Variants in GMDS observed in about 807,000 individuals in gnomAD.
The protein encoded by GMDS is GDP-mannose 4,6 dehydratase.
A neutral mutation model predicts 49.9 loss-of-function variants in GMDS; 20 were observed. That is an observed-to-expected ratio of 0.40 (90% CI 0.28 to 0.58). The LOEUF (loss-of-function observed/expected upper bound fraction) is 0.58, where lower values mean the gene tolerates loss of function less well. GMDS is among the 20% of genes least tolerant of loss of function. The probability of loss-of-function intolerance (pLI) is 0.42; values close to 1 mark genes in which losing one functional copy is unlikely to be tolerated. For missense variants in GMDS, 362 were observed against 481.4 expected, an observed-to-expected ratio of 0.75 and a Z score of 2.32; for synonymous variants, 177 against 178.6, an observed-to-expected ratio of 0.99 and a Z score of 0.07.
In GMDS at chr6:1,795,759, A is replaced by C. The variant is rs114705758; in HGVS notation, c.772-53173T>G. Among the ~76,000 whole-genome samples, 1,400 of 152,366 alleles carry C rather than the reference A, an allele frequency of 9.2e-3. 19 individuals are homozygous for C. The highest frequency in any genetic ancestry group is 0.032 in the African/African-American group (1,345 of 41,586). On this transcript the variant is annotated intron_variant, in intron 7 of 10. Transcript: ENST00000380815. Reference sequence around the variant, plus strand: ...AATGTTCTTATTCTGAAAGCAGTTCATTCACATTAACAGTCATCCACATTT... The same window carrying C: ...AATGTTCTTATTCTGAAAGCAGTTCCTTCACATTAACAGTCATCCACATTT...
At chr6:1,963,181 C>CTTTT (rs75060505) in intron 4 of GMDS, among the ~76,000 whole-genome samples, 2 of 143,442 alleles carry the variant, frequency 1.4e-5, no homozygotes, top group African/African-American at 5.1e-5. Flanking sequence ...AGCCTACTTC[C>CTTTT]TTTTTTTTTT....
At chr6:1,668,896 T>C (rs956160105) in intron 9 of GMDS, among the ~76,000 whole-genome samples, 5 of 152,224 alleles carry the variant, frequency 3.3e-5, no homozygotes, top group Non-Finnish European at 7.3e-5. Context: ...ATCAGAGAAG[T>C]ACCAAGGTAT....
chr6:2,052,128 A>AAAAAAAAAAAAAAAC (rs1770447403), intron 4 of GMDS, among the ~76,000 whole-genome samples: 1 of 138,664 alleles, frequency 7.2e-6, no homozygotes, highest in Non-Finnish European at 1.5e-5. Context: ...AAAAAAAAAA[A>AAAAAAAAAAAAAAAC]AAGAAAAAAA....
intron 7 of GMDS, among the ~76,000 whole-genome samples, chr6:1,830,072 T>C (rs955420845): frequency 1.3e-5 from 2 of 152,230 alleles, no homozygotes; most frequent in Non-Finnish European, 2.9e-5. Context: ...GTGGCTTTTT[T>C]ATTTAAATTT....
chr6:1,992,328 T>A (rs1445949970), intron 4 of GMDS, among the ~76,000 whole-genome samples: 1 of 152,184 alleles, frequency 6.6e-6, no homozygotes, highest in Admixed American at 6.5e-5. Flanking sequence ...TCGCTGTTCA[T>A]GGCCACCACC....
At chr6:1,874,631 T>C (rs954563613) in intron 7 of GMDS, among the ~76,000 whole-genome samples, 2 of 152,162 alleles carry the variant, frequency 1.3e-5, no homozygotes, top group Non-Finnish European at 2.9e-5. Flanking sequence ...AAAAAAGCAA[T>C]ACATTAGGAA....
intron 9 of GMDS, among the ~76,000 whole-genome samples, chr6:1,686,632 T>C (rs1033901755): frequency 1.3e-5 from 2 of 152,232 alleles, no homozygotes; most frequent in Non-Finnish European, 2.9e-5. Flanking sequence ...CTTGTATTTA[T>C]GGCATAAGCC....
intron 7 of GMDS, among the ~76,000 whole-genome samples, chr6:1,863,620 C>G (rs3800105): frequency 6.6e-6 from 1 of 152,094 alleles, no homozygotes; most frequent in Non-Finnish European, 1.5e-5. Context: ...ACACGTCCCA[C>G]AAGCTTCTTT....
chr6:1,650,336 C>T (rs1296699695), intron 9 of GMDS, among the ~76,000 whole-genome samples: 3 of 152,102 alleles, frequency 2.0e-5, no homozygotes, highest in African/African-American at 4.8e-5. Flanking sequence ...TAATTATATG[C>T]TTATTTCTTC....
intron 4 of GMDS, among the ~76,000 whole-genome samples, chr6:2,029,692 G>A (rs1380814906): frequency 6.6e-6 from 1 of 152,092 alleles, no homozygotes; most frequent in East Asian, 1.9e-4. Context: ...GGAGGGATCT[G>A]GGGCCAACCC....
At chr6:1,726,287 A>T in intron 9 of GMDS, 129 bp downstream of exon 9, 3 of 667,846 alleles carry the variant, frequency 4.5e-6, no homozygotes, top group Non-Finnish European at 8.2e-6. Flanking sequence ...GATTTTGGAA[A>T]TGCACGCTGA....
chr6:2,171,706 A>T (rs1000947856), intron 1 of GMDS, among the ~76,000 whole-genome samples: 1 of 152,248 alleles, frequency 6.6e-6, no homozygotes, highest in Non-Finnish European at 1.5e-5. Flanking sequence ...ACATAGTGTG[A>T]AACTATTTAC....
At chr6:1,756,050 A>G (rs1767927260) in intron 7 of GMDS, among the ~76,000 whole-genome samples, 1 of 152,264 alleles carries the variant, frequency 6.6e-6, no homozygotes, top group African/African-American at 2.4e-5. Flanking sequence ...TAAGGAACTT[A>G]AACAAATGTA....
At chr6:1,785,303 G>C (rs533697365) in intron 7 of GMDS, among the ~76,000 whole-genome samples, 1 of 152,266 alleles carries the variant, frequency 6.6e-6, no homozygotes, top group African/African-American at 2.4e-5. Flanking sequence ...AAATAAAAAA[G>C]AGCTCTAGAT....
In GMDS at chr6:1,960,865, C is replaced by T; in HGVS notation, c.447G>A (p.Lys149=). The T allele has an allele frequency of 6.2e-7, 1 of 1,612,512 alleles. No individual in the cohort carries two copies. The highest frequency in any genetic ancestry group is 1.1e-5 in the South Asian group (1 of 90,934). ...GTTCACTTGTTGAGGCTTGGTAGAA[C>T]TTCACAGAGTTGATAAGGCCACAAG... ...VKTCGLINSV[K]FYQASTSELY... The change falls in exon 5 of 11, where the codon AAG becomes AAA. Residue 149 remains lysine (K), a synonymous_variant. Transcript: ENST00000380815.
chr6:2,072,077 G>A (rs969696243), intron 4 of GMDS, among the ~76,000 whole-genome samples: 2 of 152,222 alleles, frequency 1.3e-5, no homozygotes, highest in Non-Finnish European at 2.9e-5. Context: ...GCATGTGTGT[G>A]TGTATTGCAT....
intron 4 of GMDS, among the ~76,000 whole-genome samples, chr6:2,067,587 C>T (rs1771691981): frequency 6.6e-6 from 1 of 151,906 alleles, no homozygotes; most frequent in African/African-American, 2.4e-5. Flanking sequence ...GGGGATATCA[C>T]CACCGATCCC....
intron 6 of GMDS, among the ~76,000 whole-genome samples, chr6:1,940,578 T>G (rs1015902438): frequency 6.6e-6 from 1 of 152,208 alleles, no homozygotes; most frequent in Admixed American, 6.5e-5. Context: ...ATTTGCTCAC[T>G]AAGTCCTGCC....
chr6:1,749,695 G>A (rs543776548), intron 7 of GMDS, among the ~76,000 whole-genome samples: 6 of 152,222 alleles, frequency 3.9e-5, no homozygotes, highest in East Asian at 1.9e-4. Flanking sequence ...GATAGTTTCT[G>A]CTTCTCTCTA....
Sources: allele counts gnomAD v4.1 joint callset (sites outside exome capture counted in the v4.1 genomes callset), GRCh38; gene constraint gnomAD v4.1.1; transcripts MANE v1.5; gene names NCBI Gene and HGNC (gene_info 2026-07-23, HGNC 2026-07-21).